The following ENTREP2 variants were observed in gnomAD, a reference collection of about 807,000 sequenced individuals.
ENTREP2 encodes the protein protein ENTREP2.
the ENTREP2 span, among the ~76,000 whole-genome samples, chr15:29,283,193 A>G: frequency 6.6e-6 from 1 of 152,208 alleles, no homozygotes; most frequent in Admixed American, 6.5e-5. Flanking sequence ...CCTGTCCTGC[A>G]CACTTGAAAG....
At chr15:29,408,685 T>G in the ENTREP2 span, among the ~76,000 whole-genome samples, 6 of 152,226 alleles carry the variant, frequency 3.9e-5, no homozygotes, top group East Asian at 1.9e-4. Context: ...CTGGTCTTTT[T>G]TTGTTGTTGT....
the ENTREP2 span, among the ~76,000 whole-genome samples, chr15:29,517,129 T>C: frequency 6.6e-6 from 1 of 151,998 alleles, no homozygotes; most frequent in African/African-American, 2.4e-5. Flanking sequence ...AACATAAGAC[T>C]ATGAGGAAAT....
chr15:29,571,080 CCCG>C, the ENTREP2 span, among the ~76,000 whole-genome samples: 1 of 149,742 alleles, frequency 6.7e-6, no homozygotes, highest in East Asian at 2.0e-4. Flanking sequence ...GGGCGCGAGC[CCCG>C]CCGCCGTGCG....
chr15:29,137,924 C>T, the ENTREP2 span, among the ~76,000 whole-genome samples: 1 of 152,024 alleles, frequency 6.6e-6, no homozygotes, highest in Non-Finnish European at 1.5e-5. Context: ...CGAAATGTCC[C>T]CACCCCACCC....
At chr15:29,442,553 A>G in the ENTREP2 span, among the ~76,000 whole-genome samples, 2 of 152,176 alleles carry the variant, frequency 1.3e-5, no homozygotes, top group African/African-American at 2.4e-5. Flanking sequence ...ACTTGTCCCA[A>G]TCATCAGGAA....
the ENTREP2 span, among the ~76,000 whole-genome samples, chr15:29,149,450 G>A: frequency 2.0e-5 from 3 of 152,344 alleles, no homozygotes; most frequent in South Asian, 6.2e-4. Context: ...CAGAAATGGC[G>A]CAGGGGTGAA....
chr15:29,135,518 A>G, the ENTREP2 span, among the ~76,000 whole-genome samples: 1 of 152,100 alleles, frequency 6.6e-6, no homozygotes, highest in Non-Finnish European at 1.5e-5. The surrounding 1 kb of genome is among the most constrained non-coding windows in gnomAD (Gnocchi z 7.4). Context: ...CTGAGTCATG[A>G]CAACAACGAT....
chr15:29,586,429 T>C, the ENTREP2 span, among the ~76,000 whole-genome samples: 2 of 152,096 alleles, frequency 1.3e-5, no homozygotes, highest in Non-Finnish European at 2.9e-5. Flanking sequence ...AACAATGAAT[T>C]GCGTACACTT....
At chr15:29,486,946 T>A in the ENTREP2 span, among the ~76,000 whole-genome samples, 1 of 152,124 alleles carries the variant, frequency 6.6e-6, no homozygotes, top group Non-Finnish European at 1.5e-5. Flanking sequence ...TGCAGCTAGA[T>A]AGGAAGCATG....
the ENTREP2 span, among the ~76,000 whole-genome samples, chr15:29,657,178 G>A: frequency 6.6e-6 from 1 of 151,752 alleles, no homozygotes; most frequent in Non-Finnish European, 1.5e-5. Flanking sequence ...CTCCTGAGCA[G>A]CTGGGACTAC....
At chr15:29,193,686 T>C in the ENTREP2 span, among the ~76,000 whole-genome samples, 2 of 152,194 alleles carry the variant, frequency 1.3e-5, no homozygotes, top group Non-Finnish European at 2.9e-5. Flanking sequence ...TGGCTCTGTC[T>C]GGAGAATGGA....
chr15:29,656,794 T>C, the ENTREP2 span, among the ~76,000 whole-genome samples: 1 of 150,580 alleles, frequency 6.6e-6, no homozygotes, highest in Non-Finnish European at 1.5e-5. Flanking sequence ...ACAGTTCGTT[T>C]CTTCTAAAGT....
the ENTREP2 span, among the ~76,000 whole-genome samples, chr15:29,143,733 C>CA: frequency 6.6e-6 from 1 of 152,140 alleles, no homozygotes; most frequent in African/African-American, 2.4e-5. Context: ...TGGAAGGTCT[C>CA]AGATACAAAT....
the ENTREP2 span, chr15:29,234,156 C>G: frequency 6.3e-7 from 1 of 1,581,840 alleles, no homozygotes; most frequent in South Asian, 1.1e-5. Context: ...CATTCTCGTT[C>G]ACTCTCAGGC....
chr15:29,197,406 C>T, the ENTREP2 span, among the ~76,000 whole-genome samples: 1 of 152,144 alleles, frequency 6.6e-6, no homozygotes, highest in Non-Finnish European at 1.5e-5. Flanking sequence ...GGCTGGGTAA[C>T]ATACTGAGAC....
chr15:29,519,095 T>G, the ENTREP2 span, among the ~76,000 whole-genome samples: 1 of 152,090 alleles, frequency 6.6e-6, no homozygotes, highest in South Asian at 2.1e-4. Flanking sequence ...GCATATTTAT[T>G]TGGAGCACTA....
the ENTREP2 span, among the ~76,000 whole-genome samples, chr15:29,653,046 C>T: frequency 3.3e-5 from 5 of 152,256 alleles, no homozygotes; most frequent in Admixed American, 6.5e-5. Flanking sequence ...TCCTTGGATC[C>T]ATGTATCCCC....
At chr15:29,664,447 TC>T in the ENTREP2 span, among the ~76,000 whole-genome samples, 805 of 142,946 alleles carry the variant, frequency 5.6e-3, 9 homozygotes, top group African/African-American at 0.021. Flanking sequence ...TTTCTCTCTC[TC>T]TTTTTTTTTT....
At chr15:29,663,403 C>A in the ENTREP2 span, among the ~76,000 whole-genome samples, 5 of 152,064 alleles carry the variant, frequency 3.3e-5, no homozygotes, top group Middle Eastern at 6.3e-3. Flanking sequence ...GTTATAAAGA[C>A]ACATGCACAT....
Sources: gnomAD v4.1 joint callset for allele counts (sites outside exome capture counted in the v4.1 genomes callset) on GRCh38, gnomAD v4.1.1 for gene constraint, Gnocchi (gnomAD v3.1) non-coding constraint, MANE v1.5 for transcripts, NCBI Gene and HGNC (gene_info 2026-07-23, HGNC 2026-07-21) for gene names.